The following PRPH2 variants were observed in gnomAD, a reference collection of about 807,000 sequenced individuals.
The protein encoded by PRPH2 is peripherin-2.
Under a neutral mutation model 31.3 loss-of-function variants are expected in PRPH2, and 17 were observed. The observed-to-expected ratio is 0.54, with a 90% CI of 0.37 to 0.81. The LOEUF (loss-of-function observed/expected upper bound fraction) is 0.81, where lower values mean the gene tolerates loss of function less well. Ranked by LOEUF, PRPH2 falls within the 40% of genes least tolerant of loss-of-function variation. PRPH2 has a pLI of 0.00. For missense variants in PRPH2, 430 were observed against 439.7 expected (o/e 0.98, Z 0.20); for synonymous variants, 165 against 184.4 (o/e 0.89, Z 0.85).
chr6:42,719,041 G>C (rs2152009931), intron 1 of PRPH2, among the ~76,000 whole-genome samples: 1 of 152,218 alleles, frequency 6.6e-6, no homozygotes, highest in East Asian at 1.9e-4. Context: ...TTAGCCTAAG[G>C]GAAATAAAAG....
Position 42,704,740 on chromosome 6 carries a change from C to T in PRPH2, c.582-129G>A, listed in dbSNP as rs113388052. 571 of 1,376,212 alleles carry T rather than the reference C, an allele frequency of 4.1e-4. 1 individual carries two copies. The highest frequency in any genetic ancestry group is 3.8e-3 in the Middle Eastern group (19 of 4,936). 85.3% of individuals were successfully genotyped at this position (1,376,212 alleles called of 1,614,324 possible). ...GCACACTTGGTATATATTTGCTGTGCGCCCGCTACGTGCCAGTCACTGTTC... is the reference window on the plus strand; with the variant it reads ...GCACACTTGGTATATATTTGCTGTGTGCCCGCTACGTGCCAGTCACTGTTC... On this transcript the variant is annotated intron_variant, in intron 1 of 2. Coordinates refer to ENST00000230381, the MANE Select transcript of PRPH2 (RefSeq NM_000322.5).
rs3805927 is a variant in PRPH2 at position 42,720,429 on chromosome 6, C to T, written c.581+1325G>A. Among the ~76,000 whole-genome samples, 89 of 152,216 alleles carry T rather than the reference C, an allele frequency of 5.8e-4. 2 individuals are homozygous for T. The East Asian group carries it at 8.9e-3, about 15-fold the overall frequency. On this transcript the variant is annotated intron_variant, in intron 1 of 2. Transcript: ENST00000230381. ...CCCTCCTCGGGAGATTTATGTAAAT[C>T]GTGGCATCTTGTGCTGCCCCTGCAG...
chr6:42,713,711 A>G (rs1761720560), intron 1 of PRPH2, among the ~76,000 whole-genome samples: 1 of 151,968 alleles, frequency 6.6e-6, no homozygotes, highest in Non-Finnish European at 1.5e-5. Context: ...ACCTGAGGTC[A>G]GGAATTTGAG....
Position 42,698,190 on chromosome 6 carries a change from C to A in PRPH2, c.*105G>T, listed in dbSNP as rs1582759264. ...CAGGGAGAGTCTCTGTAAGATGGTG[C>A]CCTCCTTGGGAGATTCAGACTTTCG... On this transcript the variant is annotated 3_prime_UTR_variant, in exon 3 of 3. Coordinates refer to ENST00000230381, the MANE Select transcript of PRPH2 (RefSeq NM_000322.5). The A allele has an allele frequency of 4.1e-6, 6 of 1,472,294 alleles. No individual in the cohort carries two copies. In the East Asian group the frequency reaches 1.4e-4, roughly 33 times the overall value. The allele number at this position is 1,472,294 out of a possible 1,614,324, so 91.2% of individuals were successfully genotyped here. A position where few individuals can be genotyped will look rare whatever the true frequency, so the allele number is the denominator to read the frequency against.
chr6:42,722,207 A>T lies in PRPH2; in HGVS notation c.128T>A (p.Ile43Asn). ...IIFSLGLFLK[I>N]ELRKRSDVMN... Reference sequence around the variant, plus strand: ...CACATCGCTCCTCTTTCGGAGTTCAATCTTCAGGAACAGTCCTAGGCTGAA... The same window carrying T: ...CACATCGCTCCTCTTTCGGAGTTCATTCTTCAGGAACAGTCCTAGGCTGAA... Residue 43 changes from isoleucine to asparagine, a missense_variant, in exon 1 of 3, where the codon ATT becomes AAT. Physicochemically the swap from Ile to Asn is moderately radical, Grantham distance 149. Coordinates refer to ENST00000230381, the MANE Select transcript of PRPH2 (RefSeq NM_000322.5). This position sits in a 1 kb window ranked among gnomAD's most constrained non-coding sequence, Gnocchi z 4.4. 6.2e-7 allele frequency: 1 copy of T among 1,614,174 alleles called. No individual in the cohort carries two copies. The highest frequency in any genetic ancestry group is 8.5e-7 in the Non-Finnish European group (1 of 1,180,030).
chr6:42,697,289 T>C lies in PRPH2; in HGVS notation c.*1006A>G, dbSNP rs528601474. 1 of 152,238 alleles carries C rather than the reference T, an allele frequency of 6.6e-6. No homozygotes were observed. Among genetic ancestry groups the C allele is most frequent in the South Asian group, 2.1e-4 (1 of 4,824 alleles). The allele number at this position is 152,238 out of a possible 1,614,324, so 9.4% of individuals were successfully genotyped here. A position where few individuals can be genotyped will look rare whatever the true frequency, so the allele number is the denominator to read the frequency against. On this transcript the variant is annotated 3_prime_UTR_variant, in exon 3 of 3. Transcript: ENST00000230381. ...CAGAAATAGTGTTTTTCAAGATGGG[T>C]ATCTGGGGGGAAGAAACGGAAGAAG...
In PRPH2 at chr6:42,717,541, A is replaced by G. The variant is rs368680822; in HGVS notation, c.581+4213T>C. Among the ~76,000 whole-genome samples the G allele has an allele frequency of 4.2e-4, 64 of 152,282 alleles. No individual in the cohort carries two copies. The East Asian group carries it at 0.012, about 29-fold the overall frequency. Reference sequence around the variant, plus strand: ...AGAAGGTAAATGCTTACCATTTCTCAGTGCTTGTGATCTCAAAAAATAAAT... The same window carrying G: ...AGAAGGTAAATGCTTACCATTTCTCGGTGCTTGTGATCTCAAAAAATAAAT... On this transcript the variant is annotated intron_variant, in intron 1 of 2. Transcript: ENST00000230381.
At chr6:42,708,403 C>A (rs914695253) in intron 1 of PRPH2, among the ~76,000 whole-genome samples, 21 of 152,224 alleles carry the variant, frequency 1.4e-4, no homozygotes, top group African/African-American at 5.1e-4. Context: ...TGCAGCCCCT[C>A]TCTGGGCACC....
intron 1 of PRPH2, among the ~76,000 whole-genome samples, chr6:42,718,719 GC>G (rs958626760): frequency 2.4e-4 from 37 of 152,094 alleles, no homozygotes; most frequent in African/African-American, 8.7e-4. Context: ...CATGATCTTA[GC>G]TCACTACAAC....
intron 1 of PRPH2, among the ~76,000 whole-genome samples, chr6:42,717,341 AC>A (rs1196742733): frequency 1.3e-5 from 2 of 151,676 alleles, no homozygotes; most frequent in African/African-American, 2.4e-5. Context: ...AATCAATTGA[AC>A]CAGGGGGGCG....
chr6:42,710,966 T>C (rs1217971879), intron 1 of PRPH2, among the ~76,000 whole-genome samples: 2 of 152,178 alleles, frequency 1.3e-5, no homozygotes, highest in African/African-American at 4.8e-5. Context: ...CGACAGGGGA[T>C]GGTGGAAATT....
Position 42,721,828 on chromosome 6 carries a change from G to A in PRPH2, c.507C>T (p.Asn169=), listed in dbSNP as rs143096101. 4.6e-5 allele frequency: 75 copies of A among 1,614,018 alleles called. 1 individual carries two copies. Among genetic ancestry groups the A allele is most frequent in the African/African-American group, 2.1e-4 (16 of 74,896 alleles). ...GAATCTCAAACCAGTCCCGAAAACC[G>A]TTGTTGCCGCAGCATTTGAACTCGA... ...LQIEFKCCGN[N]GFRDWFEIQW... The change falls in exon 1 of 3, where the codon AAC becomes AAT. Residue 169 remains asparagine, a synonymous_variant. Transcript: ENST00000230381.
chr6:42,709,334 T>TAAAAAAAAAA (rs58632063), intron 1 of PRPH2, among the ~76,000 whole-genome samples: 11,959 of 74,732 alleles, frequency 0.16, 816 homozygotes, highest in Non-Finnish European at 0.18. Context: ...TGTCTCAAAT[T>TAAAAAAAAAA]AAAAAAAAAA....
At chr6:42,714,884 T>C (rs535224873) in intron 1 of PRPH2, among the ~76,000 whole-genome samples, 2 of 152,210 alleles carry the variant, frequency 1.3e-5, no homozygotes, top group Non-Finnish European at 2.9e-5. Context: ...TCCCTTAACC[T>C]CTTGGGCCTC....
At chr6:42,721,639 G>A in intron 1 of PRPH2, 115 bp downstream of exon 1, 1 of 1,208,494 alleles carries the variant, frequency 8.3e-7, no homozygotes, top group Non-Finnish European at 1.2e-6. Context: ...AATAAGTTGT[G>A]CACCCGATGG....
chr6:42,712,835 G>A (rs547488343), intron 1 of PRPH2, among the ~76,000 whole-genome samples: 1 of 152,226 alleles, frequency 6.6e-6, no homozygotes, highest in Non-Finnish European at 1.5e-5. Context: ...GGCTACATGA[G>A]AATTAATTAT....
chr6:42,705,599 A>AAAATATATATATATATATAT (rs1562424252), intron 1 of PRPH2, among the ~76,000 whole-genome samples: 13 of 21,432 alleles, frequency 6.1e-4, no homozygotes, highest in Non-Finnish European at 8.4e-4. Flanking sequence ...AAAAAAAAAA[A>AAAATATATATATATATATAT]ATATATATAT....
intron 2 of PRPH2, among the ~76,000 whole-genome samples, chr6:42,699,777 CAGCTACCCGGGTACTTGGGT>C (rs1308222195): frequency 6.6e-6 from 1 of 152,060 alleles, no homozygotes; most frequent in Non-Finnish European, 1.5e-5. Context: ...CCTGTAGTCC[CAGCTACCCGGGTACTTGGGT>C]AGCCAAGATG....
At chr6:42,711,349 G>A (rs1463031517) in intron 1 of PRPH2, among the ~76,000 whole-genome samples, 1 of 152,214 alleles carries the variant, frequency 6.6e-6, no homozygotes, top group African/African-American at 2.4e-5. Flanking sequence ...AGCTCACAGT[G>A]AAGTAAGAAA....
Sources: gnomAD v4.1 joint callset for allele counts (sites outside exome capture counted in the v4.1 genomes callset) on GRCh38, gnomAD v4.1.1 for gene constraint, Gnocchi (gnomAD v3.1) non-coding constraint, MANE v1.5 for transcripts, NCBI Gene and HGNC (gene_info 2026-07-23, HGNC 2026-07-21) for gene names.